The following SPECC1 variants were observed in gnomAD, a reference collection of about 807,000 sequenced individuals.
The protein encoded by SPECC1 is cytospin-B.
Under a neutral mutation model 104.1 loss-of-function variants are expected in SPECC1, and 62 were observed. The observed-to-expected ratio is 0.60, with a 90% CI of 0.49 to 0.74. The LOEUF (loss-of-function observed/expected upper bound fraction) is 0.74, where lower values mean the gene tolerates loss of function less well. Among genes scored for constraint, SPECC1 ranks in the 30% least tolerant of loss-of-function variants. SPECC1 has a pLI of 0.00. For synonymous variants in SPECC1, 513 were observed against 501.6 expected (o/e 1.02, Z -0.30); for missense variants, 1,306 against 1,310.5 (o/e 1.00, Z 0.05).
intron 3 of SPECC1, among the ~76,000 whole-genome samples, chr17:20,158,654 C>T (rs1360592641): frequency 1.3e-5 from 2 of 152,248 alleles, no homozygotes; most frequent in African/African-American, 2.4e-5. Flanking sequence ...AAGAACGTGC[C>T]TTCAGCTCAG....
At chr17:20,090,486 A>G (rs929980198) in intron 1 of SPECC1, among the ~76,000 whole-genome samples, 1 of 151,878 alleles carries the variant, frequency 6.6e-6, no homozygotes. Context: ...CTTGATAAAT[A>G]TGGCTCAAGA....
At chr17:20,147,381 G>A (rs1004040047) in intron 3 of SPECC1, among the ~76,000 whole-genome samples, 2 of 151,942 alleles carry the variant, frequency 1.3e-5, no homozygotes, top group Non-Finnish European at 2.9e-5. Flanking sequence ...CATGGATCAT[G>A]ATTTAAAAAA....
At chr17:20,076,879 G>A (rs908151117) in intron 1 of SPECC1, among the ~76,000 whole-genome samples, 2 of 151,456 alleles carry the variant, frequency 1.3e-5, no homozygotes, top group Non-Finnish European at 2.9e-5. Flanking sequence ...GTATCACAGG[G>A]AAAAAAGAGT....
At chr17:20,024,636 G>A (rs1419963223) in intron 1 of SPECC1, among the ~76,000 whole-genome samples, 2 of 152,202 alleles carry the variant, frequency 1.3e-5, no homozygotes, top group South Asian at 2.1e-4. Context: ...CTAGTAGGAA[G>A]CACTAGTGGG....
chr17:20,029,990 C>T (rs2044745021), intron 1 of SPECC1, among the ~76,000 whole-genome samples: 1 of 152,162 alleles, frequency 6.6e-6, no homozygotes, highest in African/African-American at 2.4e-5. Context: ...TTACTGAGAA[C>T]CACTGGAAGC....
At chr17:20,111,643 G>A (rs1306627574) in intron 3 of SPECC1, among the ~76,000 whole-genome samples, 3 of 152,192 alleles carry the variant, frequency 2.0e-5, no homozygotes, top group African/African-American at 7.2e-5. Context: ...ATGAGGACCA[G>A]CCGAGTCCCG....
chr17:20,251,987 G>C (rs1293519949), intron 9 of SPECC1, among the ~76,000 whole-genome samples: 2 of 152,162 alleles, frequency 1.3e-5, no homozygotes, highest in Non-Finnish European at 2.9e-5. Context: ...AAGATGGTGG[G>C]TGATGGTGGG....
At chr17:20,113,020 A>G in intron 3 of SPECC1, 1 of 838,242 alleles carries the variant, frequency 1.2e-6, no homozygotes, top group Non-Finnish European at 2.1e-6. Context: ...AACATGTACA[A>G]GATGAAAATG....
At chr17:20,297,908 C>T (rs192758676) in intron 13 of SPECC1, among the ~76,000 whole-genome samples, 1 of 152,308 alleles carries the variant, frequency 6.6e-6, no homozygotes, top group East Asian at 1.9e-4. Context: ...ATGAGCTAGA[C>T]AGATAATAAG....
At chr17:20,037,091 G>A (rs533153664) in intron 1 of SPECC1, among the ~76,000 whole-genome samples, 2 of 152,064 alleles carry the variant, frequency 1.3e-5, no homozygotes, top group Non-Finnish European at 2.9e-5. Context: ...TCTTTAGTAC[G>A]TTCATATAGT....
intron 13 of SPECC1, among the ~76,000 whole-genome samples, chr17:20,298,852 C>G (rs534909919): frequency 2.0e-5 from 3 of 148,520 alleles, no homozygotes; most frequent in African/African-American, 7.5e-5. Flanking sequence ...AGGATCATAG[C>G]AATGACAAAA....
intron 10 of SPECC1, among the ~76,000 whole-genome samples, chr17:20,254,571 G>A (rs959694430): frequency 1.3e-5 from 2 of 152,056 alleles, no homozygotes; most frequent in Non-Finnish European, 2.9e-5. Flanking sequence ...AGAACTAAAG[G>A]GACAACAGTG....
intron 12 of SPECC1, among the ~76,000 whole-genome samples, chr17:20,289,161 T>C (rs930703805): frequency 6.6e-6 from 1 of 152,132 alleles, no homozygotes; most frequent in Non-Finnish European, 1.5e-5. Context: ...GATAAACTCA[T>C]GAGATGTTGT....
chr17:20,206,417 ATG>A (rs1001165047), intron 4 of SPECC1, among the ~76,000 whole-genome samples: 24 of 152,296 alleles, frequency 1.6e-4, no homozygotes, highest in African/African-American at 5.3e-4. Flanking sequence ...TTCCAGATAT[ATG>A]TGTGTGTATG....
At position 20,110,409 on chromosome 17, in the gene SPECC1, T is replaced by C. The variant is rs750192797; in HGVS notation, c.148-18T>C. ...AAACCACCTCTTCATCCTCTCTCTT[T>C]CCTTCCAACTCTCTCAGCTCAAGAG... is the stretch of plus-strand genomic sequence containing the variant. On this transcript the variant is annotated intron_variant, in intron 2 of 14. Coordinates refer to ENST00000395527, the MANE Select transcript of SPECC1 (RefSeq NM_001243439.2). 6.1e-5 allele frequency: 98 copies of C among 1,599,052 alleles called. No homozygotes were observed. Among genetic ancestry groups the C allele is most frequent in the Non-Finnish European group, 7.9e-5 (92 of 1,170,796 alleles).
chr17:20,294,499 A>AGTCTT (rs2041276767), intron 12 of SPECC1, among the ~76,000 whole-genome samples: 1 of 152,152 alleles, frequency 6.6e-6, no homozygotes, highest in South Asian at 2.1e-4. Context: ...ATCCAGAGAC[A>AGTCTT]GTCTTGTAGG....
At chr17:20,184,687 A>G (rs1298588683) in intron 3 of SPECC1, among the ~76,000 whole-genome samples, 1 of 152,220 alleles carries the variant, frequency 6.6e-6, no homozygotes, top group Non-Finnish European at 1.5e-5. Flanking sequence ...GTATATGTAA[A>G]GTATTTGGTA....
chr17:20,068,999 T>G (rs2046454497), intron 1 of SPECC1, among the ~76,000 whole-genome samples: 1 of 152,208 alleles, frequency 6.6e-6, no homozygotes, highest in Non-Finnish European at 1.5e-5. Context: ...GGGGTACATG[T>G]GAAGGTTTAT....
chr17:20,120,908 C>T (rs1169703917), intron 3 of SPECC1, among the ~76,000 whole-genome samples: 1 of 152,148 alleles, frequency 6.6e-6, no homozygotes, highest in Admixed American at 6.5e-5. Flanking sequence ...ATTGTCTCAG[C>T]CTTGCCTAGG....
Sources: gnomAD v4.1 joint callset for allele counts (sites outside exome capture counted in the v4.1 genomes callset) on GRCh38, gnomAD v4.1.1 for gene constraint, MANE v1.5 for transcripts, NCBI Gene and HGNC (gene_info 2026-07-23, HGNC 2026-07-21) for gene names.